PAM: variants seen among roughly 807,000 people sequenced by gnomAD.
PAM encodes peptidyl-glycine alpha-amidating monooxygenase.
PAM carries 72 observed loss-of-function variants against 122.1 expected under a neutral mutation model. The ratio of observed to expected loss-of-function variants is 0.59; its 90% CI spans 0.49 to 0.72. PAM has a LOEUF of 0.72. PAM is among the 30% of genes least tolerant of loss of function. PAM has a pLI of 0.00. For synonymous variants in PAM, 389 were observed against 404.4 expected, an observed-to-expected ratio of 0.96 and a Z score of 0.46; for missense variants, 1,106 against 1,183.7, an observed-to-expected ratio of 0.93 and a Z score of 0.96.
At chr5:102,936,427 T>C (rs1404766431) in intron 7 of PAM, among the ~76,000 whole-genome samples, 1 of 152,142 alleles carries the variant, frequency 6.6e-6, no homozygotes, top group Non-Finnish European at 1.5e-5. Flanking sequence ...ACACCAAAGA[T>C]TTTACTGACA....
At chr5:102,998,583 G>A (rs1035686325) in intron 16 of PAM, among the ~76,000 whole-genome samples, 32 of 152,060 alleles carry the variant, frequency 2.1e-4, no homozygotes, top group Non-Finnish European at 4.3e-4. Context: ...ATATTCCAAG[G>A]AAATAAACTA....
chr5:102,769,286 C>T (rs1396822036), intron 1 of PAM, among the ~76,000 whole-genome samples: 1 of 151,962 alleles, frequency 6.6e-6, no homozygotes. Context: ...CAAATATTTT[C>T]TCCCGTTCTG....
At chr5:102,833,785 G>T (rs908081452) in intron 1 of PAM, among the ~76,000 whole-genome samples, 3 of 152,118 alleles carry the variant, frequency 2.0e-5, no homozygotes, top group Non-Finnish European at 4.4e-5. Context: ...AATTACTAAA[G>T]AGGACAATGT....
chr5:102,822,856 C>G (rs1387651810), intron 1 of PAM, among the ~76,000 whole-genome samples: 1 of 151,972 alleles, frequency 6.6e-6, no homozygotes, highest in East Asian at 1.9e-4. Context: ...CCCTGGCACA[C>G]ACTCACCTTG....
At chr5:102,989,114 A>G (rs552944476) in intron 15 of PAM, among the ~76,000 whole-genome samples, 90 of 152,194 alleles carry the variant, frequency 5.9e-4, no homozygotes, top group Admixed American at 1.2e-3. Context: ...CGCTGATACA[A>G]TAGCTTTCAT....
intron 7 of PAM, among the ~76,000 whole-genome samples, chr5:102,940,329 T>C (rs2151891717): frequency 6.6e-6 from 1 of 151,784 alleles, no homozygotes; most frequent in Middle Eastern, 3.4e-3. Flanking sequence ...TAGTACTTTC[T>C]TTATGGTTTC....
intron 1 of PAM, chr5:102,865,581 G>A (rs555720715): frequency 3.3e-5 from 5 of 152,434 alleles, no homozygotes; most frequent in South Asian, 2.1e-4. Flanking sequence ...GAAAACAGGA[G>A]TGGGTCCAAG....
At chr5:103,030,633 C>T (rs1786117508), downstream of PAM, 1 of 152,174 alleles carries the variant, frequency 6.6e-6, no homozygotes, top group African/African-American at 2.4e-5. Context: ...TGACTTCAGG[C>T]AATCTTTCCA....
intron 3 of PAM, among the ~76,000 whole-genome samples, chr5:102,879,187 C>T (rs1790193434): frequency 6.6e-6 from 1 of 152,190 alleles, no homozygotes; most frequent in South Asian, 2.1e-4. Context: ...GCTTCGGCCT[C>T]CCAGAGTGCT....
rs116506336 is a variant in PAM at position 102,983,314 on chromosome 5, G to A, written c.1484-6958G>A. On this transcript the variant is annotated intron_variant, in intron 15 of 25. Coordinates refer to ENST00000438793, the MANE Select transcript of PAM (RefSeq NM_001177306.2). ...ATAAAAATAAAACTAGCCAGACGGG[G>A]TGGCGTGTGCGTATAATTACAGCTA... Among the ~76,000 whole-genome samples the A allele has an allele frequency of 6.6e-3, 1,002 of 151,908 alleles. 12 individuals carry two copies. The highest frequency in any genetic ancestry group is 0.022 in the African/African-American group (917 of 41,424).
In PAM at chr5:103,004,772, G is replaced by A. The variant is rs1024277067; in HGVS notation, c.1731-382G>A. On this transcript the variant is annotated intron_variant, in intron 17 of 25. Coordinates refer to ENST00000438793, the MANE Select transcript of PAM (RefSeq NM_001177306.2). ...CATTTCCTTGCAACATGTTTTAACC[G>A]CAAACTATATCAATCCATTTATGTT... Among the ~76,000 whole-genome samples, 24 of 152,126 alleles carry A rather than the reference G, an allele frequency of 1.6e-4. No homozygotes were observed. In the South Asian group the frequency reaches 1.9e-3, roughly 12 times the overall value.
intron 1 of PAM, among the ~76,000 whole-genome samples, chr5:102,778,492 G>C (rs1318264937): frequency 6.6e-6 from 1 of 152,034 alleles, no homozygotes; most frequent in African/African-American, 2.4e-5. Context: ...ATCAAAACTG[G>C]CATTTGGTCT....
chr5:103,017,290 A>C (rs1582948509), intron 21 of PAM, 44 bp from the exon 22 acceptor site: 1 of 1,186,100 alleles, frequency 8.4e-7, no homozygotes, highest in Non-Finnish European at 1.3e-6. Context: ...GAAGGATTCA[A>C]GTAAAGGCTC....
At chr5:102,927,852 C>T (rs1235072651) in intron 7 of PAM, among the ~76,000 whole-genome samples, 1 of 151,486 alleles carries the variant, frequency 6.6e-6, no homozygotes, top group African/African-American at 2.4e-5. Flanking sequence ...TAAAAATATG[C>T]TTTGAGTTAT....
chr5:102,810,010 G>C (rs1767429945), intron 1 of PAM, among the ~76,000 whole-genome samples: 1 of 152,126 alleles, frequency 6.6e-6, no homozygotes, highest in South Asian at 2.1e-4. Context: ...AAGAAAGTAA[G>C]TCAATATAAA....
At chr5:102,849,487 G>A (rs952294655) in intron 1 of PAM, among the ~76,000 whole-genome samples, 48 of 151,298 alleles carry the variant, frequency 3.2e-4, no homozygotes, top group African/African-American at 1.2e-3. Context: ...GAACCCGGGA[G>A]GCGGAGATTG....
At position 103,025,263 on chromosome 5, in the gene PAM, T is replaced by C. The variant is rs201324430; in HGVS notation, c.2618T>C (p.Leu873Pro). The change falls in exon 24 of 26, where the codon CTG becomes CCG. Residue 873 changes from leucine (L) to proline (P), a missense_variant. This residue lies in a region of PAM where 333 missense variants were observed against 335.6 expected (regional missense o/e 0.99). Transcript: ENST00000438793. ...GVPVVLITTL[L>P]VIPVVVLLAI... The stretch of plus-strand genomic sequence containing the variant: ...CCTGTTGTTCTCATTACAACCCTTC[T>C]GGTTATTCCGGTGGTTGTCCTGCTG... 5 of 1,613,768 alleles carry C rather than the reference T, an allele frequency of 3.1e-6. No individual in the cohort carries two copies. The highest frequency in any genetic ancestry group is 8.5e-7 in the Non-Finnish European group (1 of 1,179,738).
intron 12 of PAM, among the ~76,000 whole-genome samples, chr5:102,955,808 C>T (rs1023152490): frequency 6.6e-6 from 1 of 151,352 alleles, no homozygotes; most frequent in African/African-American, 2.4e-5. Context: ...ATGTTGATCT[C>T]GGTGGAAATT....
chr5:102,900,260 GGGGGC>G (rs1262488039), intron 3 of PAM, among the ~76,000 whole-genome samples: 55 of 119,610 alleles, frequency 4.6e-4, no homozygotes, highest in African/African-American at 1.7e-3. Flanking sequence ...TGTGTGGGGG[GGGGGC>G]GGGGGGAAGA....
Sources: allele counts gnomAD v4.1 joint callset (sites outside exome capture counted in the v4.1 genomes callset), GRCh38; gene constraint gnomAD v4.1.1; regional missense constraint gnomAD v4.1.1; transcripts MANE v1.5; gene names NCBI Gene and HGNC (gene_info 2026-07-23, HGNC 2026-07-21).